FAM234A: variants seen among roughly 807,000 people sequenced by gnomAD.
The protein encoded by FAM234A is family with sequence similarity 234 member A, also known as protein FAM234A.
A neutral mutation model predicts 49.1 loss-of-function variants in FAM234A; 42 were observed. That is an observed-to-expected ratio of 0.86 (90% CI 0.67 to 1.11). The LOEUF (loss-of-function observed/expected upper bound fraction) is 1.11, where lower values mean the gene tolerates loss of function less well. FAM234A is among the 50% of genes least tolerant of loss of function. FAM234A has a pLI of 0.00. For synonymous variants in FAM234A, 369 were observed against 316.2 expected (o/e 1.17, Z -1.77); for missense variants, 815 against 745.2 (o/e 1.09, Z -1.09).
intron 2 of FAM234A, among the ~76,000 whole-genome samples, chr16:251,696 T>TTG (rs2051018814): frequency 1.4e-5 from 2 of 145,484 alleles, no homozygotes; most frequent in Admixed American, 6.8e-5. Context: ...TTTTTTTTTT[T>TTG]TTTTTTTTTT....
chr16:265,198 G>A lies in FAM234A; in HGVS notation c.*176G>A. The A allele has an allele frequency of 4.2e-6, 6 of 1,415,008 alleles. No homozygotes were observed. The highest frequency in any genetic ancestry group is 5.5e-6 in the Non-Finnish European group (6 of 1,088,482). The allele number at this position is 1,415,008 out of a possible 1,614,324, so 87.7% of individuals were successfully genotyped here. A position where few individuals can be genotyped will look rare whatever the true frequency, so the allele number is the denominator to read the frequency against. ...CATGATCACACCCAGGGACCTGCAT[G>A]GGTGAGGGGACACCCTGGGCCTCTC... On this transcript the variant is annotated 3_prime_UTR_variant, in exon 13 of 13. Coordinates refer to ENST00000399932, the MANE Select transcript of FAM234A (RefSeq NM_032039.4).
chr16:262,182 T>C lies in FAM234A; in HGVS notation c.798T>C (p.Leu266=), dbSNP rs2051493175. The change falls in exon 7 of 13, where the codon CTT becomes CTC. Residue 266 remains leucine (L), a synonymous_variant. Transcript: ENST00000399932. ...LGVDGESGFL[L]HVTRTGAHYI... is the part of the protein sequence containing the mutation. Reference sequence around the variant, plus strand: ...TGGACGGGGAAAGTGGCTTCCTCCTTCACGTCACCAGGACAGGTGCCCACT... The same window carrying C: ...TGGACGGGGAAAGTGGCTTCCTCCTCCACGTCACCAGGACAGGTGCCCACT... 6.2e-7 allele frequency: 1 copy of C among 1,613,978 alleles called. No individual in the cohort carries two copies. The highest frequency in any genetic ancestry group is 8.5e-7 in the Non-Finnish European group (1 of 1,180,012).
chr16:244,009 C>T (rs926523604), intron 1 of FAM234A, among the ~76,000 whole-genome samples: 4 of 151,444 alleles, frequency 2.6e-5, no homozygotes, highest in Admixed American at 6.6e-5. Flanking sequence ...TGCTCTGTCA[C>T]CCAGGCTGGA....
At position 258,312 on chromosome 16, in the gene FAM234A, T is replaced by C. The variant is rs541564341; in HGVS notation, c.269-1171T>C. Among the ~76,000 whole-genome samples the C allele has an allele frequency of 2.6e-5, 4 of 152,328 alleles. No individual in the cohort carries two copies. In the South Asian group the frequency reaches 8.3e-4, roughly 32 times the overall value. ...CAGAGGTCCCTGCGGCCTTCCGCAG[T>C]GTTTGCGTCCCTGGGTACTTGAGAT... On this transcript the variant is annotated intron_variant, in intron 3 of 12. Transcript: ENST00000399932.
At chr16:268,237 C>T (rs74003723), downstream of FAM234A, 4 of 208,568 alleles carry the variant, frequency 1.9e-5, no homozygotes, top group African/African-American at 9.1e-5. Context: ...GCTACACATG[C>T]CTCATACGCA....
At chr16:266,877 GC>G (rs1015421138), downstream of FAM234A, among the ~76,000 whole-genome samples, 4 of 152,074 alleles carry the variant, frequency 2.6e-5, no homozygotes, top group Admixed American at 2.6e-4. Flanking sequence ...TGCAAGAGCT[GC>G]CCCCTGACAG....
intron 1 of FAM234A, among the ~76,000 whole-genome samples, chr16:245,243 A>G (rs933939143): frequency 6.6e-6 from 1 of 152,102 alleles, no homozygotes; most frequent in African/African-American, 2.4e-5. Context: ...GCTACTTTAT[A>G]GGCTGAGGTG....
At chr16:241,692 C>T (rs190911560) in intron 1 of FAM234A, among the ~76,000 whole-genome samples, 7 of 151,926 alleles carry the variant, frequency 4.6e-5, no homozygotes, top group East Asian at 1.9e-4. Flanking sequence ...CCGAGGCGGG[C>T]GGATCACGAG....
At chr16:269,270 T>C (rs777204545), downstream of FAM234A, 1 of 1,559,528 alleles carries the variant, frequency 6.4e-7, no homozygotes, top group South Asian at 1.2e-5. Context: ...CCAGGTCCAC[T>C]AGGCCACCCC....
Position 264,595 on chromosome 16 carries a change from T to C in FAM234A, c.1345-19T>C, listed in dbSNP as rs759697918. ...TGCTCAGTGAAGGGCGTGGGGCCCA[T>C]TGCTGGTTCTCGCTCCAGGAGACCG... On this transcript the variant is annotated intron_variant, in intron 11 of 12. Coordinates refer to ENST00000399932, the MANE Select transcript of FAM234A (RefSeq NM_032039.4). 50 of 1,554,278 alleles carry C rather than the reference T, an allele frequency of 3.2e-5. No homozygotes were observed. In the South Asian group the frequency reaches 4.6e-4, roughly 14 times the overall value.
chr16:238,536 G>T (rs896403125), intron 1 of FAM234A, among the ~76,000 whole-genome samples: 2 of 151,978 alleles, frequency 1.3e-5, no homozygotes, highest in Non-Finnish European at 2.9e-5. Flanking sequence ...GGAGGCCAAG[G>T]GGGGCAGATC....
chr16:254,744 G>C, intron 3 of FAM234A, 63 bp downstream of exon 3: 1 of 1,552,238 alleles, frequency 6.4e-7, no homozygotes, highest in East Asian at 2.2e-5. Context: ...ATGGGGCGGA[G>C]GGGGCAGAAC....
At chr16:236,983 T>C (rs8051485) in intron 1 of FAM234A, among the ~76,000 whole-genome samples, 113,899 of 149,472 alleles carry the variant, frequency 0.76, 44,287 homozygotes, top group African/African-American at 0.93. Context: ...TGAACTCCTG[T>C]GCCCAAGCAA....
chr16:260,551 C>G (rs112077196), intron 5 of FAM234A: 9 of 479,696 alleles, frequency 1.9e-5, no homozygotes, highest in Non-Finnish European at 3.4e-5. Flanking sequence ...CAGGGGAGAT[C>G]GGGGCCTGTC....
At position 263,773 on chromosome 16, in the gene FAM234A, C is replaced by G; in HGVS notation, c.1186C>G (p.Gln396Glu). ...TGAAAACGGAACTGGCACCGACAGACAGGTTCGTTGTTCTTCCTTCGGAGG... is the reference window on the plus strand; with the variant it reads ...TGAAAACGGAACTGGCACCGACAGAGAGGTTCGTTGTTCTTCCTTCGGAGG... ...AVENGTGTDR[Q>E]ILFLDLGTGA... is the part of the protein sequence containing the mutation. The change falls in exon 10 of 13, where the codon CAG becomes GAG. Residue 396 changes from glutamine to glutamate, a missense_variant and splice_region_variant. Physicochemically the swap from Gln to Glu is conservative, Grantham distance 29. Coordinates refer to ENST00000399932, the MANE Select transcript of FAM234A (RefSeq NM_032039.4). The G allele has an allele frequency of 5.0e-6, 8 of 1,612,246 alleles. No homozygotes were observed. Among genetic ancestry groups the G allele is most frequent in the Non-Finnish European group, 6.8e-6 (8 of 1,178,276 alleles).
At chr16:253,064 T>G (rs2051083435) in intron 2 of FAM234A, among the ~76,000 whole-genome samples, 1 of 152,250 alleles carries the variant, frequency 6.6e-6, no homozygotes, top group Admixed American at 6.5e-5. Context: ...AATGGAAGTT[T>G]GTTTTTTTCT....
chr16:266,719 C>T (rs150893915), downstream of FAM234A, among the ~76,000 whole-genome samples: 82 of 152,294 alleles, frequency 5.4e-4, no homozygotes, highest in South Asian at 9.1e-3. Flanking sequence ...TGCCAGGAAG[C>T]GGTTCTCTTG....
At chr16:245,816 G>T (rs976536716) in intron 1 of FAM234A, among the ~76,000 whole-genome samples, 1 of 152,184 alleles carries the variant, frequency 6.6e-6, no homozygotes, top group Admixed American at 6.5e-5. Context: ...TTTTCTTAAT[G>T]ATTTCCACCT....
At chr16:236,634 C>T (rs1434118949) in intron 1 of FAM234A, among the ~76,000 whole-genome samples, 1 of 149,586 alleles carries the variant, frequency 6.7e-6, no homozygotes, top group Non-Finnish European at 1.5e-5. Context: ...AGGCCGGGCG[C>T]GGTGGCTCAC....
Sources: allele counts gnomAD v4.1 joint callset (sites outside exome capture counted in the v4.1 genomes callset), GRCh38; gene constraint gnomAD v4.1.1; transcripts MANE v1.5; gene names NCBI Gene and HGNC (gene_info 2026-07-23, HGNC 2026-07-21).